Variants in CHD9 observed in about 807,000 individuals in gnomAD.
The protein encoded by CHD9 is chromodomain helicase DNA binding protein 9, also known as ATP-dependent chromatin remodeler CHD9.
CHD9 carries 77 observed loss-of-function variants against 316.1 expected under a neutral mutation model. That is an observed-to-expected ratio of 0.24 (90% CI 0.20 to 0.29). The LOEUF (loss-of-function observed/expected upper bound fraction) is 0.29, where lower values mean the gene tolerates loss of function less well. Among genes scored for constraint, CHD9 ranks in the 10% least tolerant of loss-of-function variants. The pLI is 1.00. For missense variants in CHD9, 2,763 were observed against 3,438.1 expected (o/e 0.80, Z 4.91); for synonymous variants, 1,129 against 1,158.3 (o/e 0.97, Z 0.51).
At chr16:53,109,150 G>A (rs566806307) in intron 1 of CHD9, among the ~76,000 whole-genome samples, 2 of 152,248 alleles carry the variant, frequency 1.3e-5, no homozygotes, top group Middle Eastern at 3.4e-3. Flanking sequence ...CTGTCCTGGG[G>A]ATAATCCTGG....
chr16:53,243,978 T>A (rs2049330043), intron 13 of CHD9, among the ~76,000 whole-genome samples: 1 of 152,152 alleles, frequency 6.6e-6, no homozygotes, highest in Admixed American at 6.5e-5. Context: ...CTCATTCCAG[T>A]ATGGTTTCCT....
In CHD9 at chr16:53,113,736, T is replaced by TA. The variant is rs536821028; in HGVS notation, c.-164-42181dup. On this transcript the variant is annotated intron_variant, in intron 1 of 38. Coordinates refer to ENST00000447540, the MANE Select transcript of CHD9 (RefSeq NM_001308319.2). ...GAGACAGGGTCTTATTCTGTCATTC[T>TA]AAAAAAAAATCTGGAGTGTAGCGGC... Among the ~76,000 whole-genome samples the TA allele has an allele frequency of 6.6e-4, 100 of 151,580 alleles. 2 individuals carry two copies. The South Asian group carries it at 0.019, about 28-fold the overall frequency.
intron 1 of CHD9, among the ~76,000 whole-genome samples, chr16:53,124,467 A>ATTTTTTTTTTTTTTTT (rs753476091): frequency 1.0e-5 from 1 of 96,924 alleles, no homozygotes; most frequent in African/African-American, 3.8e-5. Flanking sequence ...GTGAGACTTA[A>ATTTTTTTTTTTTTTTT]TTTTTTTTTT....
chr16:53,288,065 T>A (rs2054032866), intron 27 of CHD9, 51 bp downstream of exon 27: 1 of 1,347,990 alleles, frequency 7.4e-7, no homozygotes, highest in Admixed American at 1.7e-5. Flanking sequence ...ATTCTTTGGT[T>A]TCTTGTGTTT....
chr16:53,109,127 A>G (rs1356317389), intron 1 of CHD9, among the ~76,000 whole-genome samples: 1 of 152,174 alleles, frequency 6.6e-6, no homozygotes, highest in Non-Finnish European at 1.5e-5. Context: ...CTCTCATGCC[A>G]TGCCCGGTTG....
chr16:53,202,263 C>T (rs560729483), intron 2 of CHD9, among the ~76,000 whole-genome samples: 19 of 152,272 alleles, frequency 1.2e-4, no homozygotes, highest in Admixed American at 1.2e-3. Context: ...GTTTCTATTT[C>T]TCCAGTTGCT....
chr16:53,100,039 C>G (rs763138044), intron 1 of CHD9, among the ~76,000 whole-genome samples: 7 of 152,222 alleles, frequency 4.6e-5, no homozygotes, highest in Non-Finnish European at 1.0e-4. Context: ...AGCTCCCTGC[C>G]AGGCCCTGAC....
At chr16:53,263,226 T>C (rs2051315378) in intron 20 of CHD9, 129 bp downstream of exon 20, 1 of 606,602 alleles carries the variant, frequency 1.6e-6, no homozygotes, top group Non-Finnish European at 2.8e-6. Flanking sequence ...TGAAGTAGGG[T>C]AGCAGAATGA....
intron 30 of CHD9, among the ~76,000 whole-genome samples, chr16:53,301,917 A>G (rs1248003784): frequency 6.6e-6 from 1 of 151,594 alleles, no homozygotes; most frequent in Non-Finnish European, 1.5e-5. Flanking sequence ...GGTGGCTGCC[A>G]CCACACCCGG....
intron 1 of CHD9, among the ~76,000 whole-genome samples, chr16:53,059,780 C>A (rs1414321230): frequency 6.6e-6 from 1 of 152,226 alleles, no homozygotes; most frequent in South Asian, 2.1e-4. Context: ...TCAGTTGCAA[C>A]TGCAGTAAAT....
chr16:53,059,116 C>A (rs1353042184), intron 1 of CHD9, among the ~76,000 whole-genome samples: 1 of 152,200 alleles, frequency 6.6e-6, no homozygotes, highest in Non-Finnish European at 1.5e-5. Context: ...ACTGAGATTA[C>A]AAGCATGATC....
chr16:53,108,636 A>T (rs1207387456), intron 1 of CHD9, among the ~76,000 whole-genome samples: 4 of 152,114 alleles, frequency 2.6e-5, no homozygotes. Flanking sequence ...GCTCTTTGGG[A>T]GACCAAGGCG....
intron 20 of CHD9, 94 bp downstream of exon 20, chr16:53,263,191 A>G: frequency 1.2e-6 from 1 of 856,838 alleles, no homozygotes; most frequent in Non-Finnish European, 1.8e-6. Flanking sequence ...TGCAGTTACT[A>G]AAACAAATTT....
At position 53,254,506 on chromosome 16, in the gene CHD9, C is replaced by T. The variant is rs1380370839; in HGVS notation, c.3930C>T (p.Asn1310=). 7 of 1,613,206 alleles carry T rather than the reference C, an allele frequency of 4.3e-6. No individual in the cohort carries two copies. The highest frequency in any genetic ancestry group is 2.2e-5 in the East Asian group (1 of 44,866). Residue 1310 remains asparagine, a synonymous_variant, in exon 18 of 39, where the codon AAC becomes AAT. Coordinates refer to ENST00000447540, the MANE Select transcript of CHD9 (RefSeq NM_001308319.2). ...AAGTCTACAGACTGGTAACTCGTAA[C>T]TCATATGAGAGAGAGATGTTTGACC... ...AVKVYRLVTR[N]SYEREMFDRA... is the part of the protein sequence containing the mutation.
chr16:53,209,674 A>G lies in CHD9; in HGVS notation c.1645A>G (p.Met549Val). 1.2e-6 allele frequency: 2 copies of G among 1,613,980 alleles called. No homozygotes were observed. The highest frequency in any genetic ancestry group is 2.2e-5 in the South Asian group (2 of 91,088). Residue 549 changes from methionine (M) to valine (V), a missense_variant, in exon 3 of 39, where the codon ATG becomes GTG. This residue lies in a region of CHD9 where 859 missense variants were observed against 890.4 expected (regional missense o/e 0.96). Coordinates refer to ENST00000447540, the MANE Select transcript of CHD9 (RefSeq NM_001308319.2). ...ERGERNIPRVMSPENFPTASV... is the reference protein window; with the variant it reads ...ERGERNIPRVVSPENFPTASV... ...TGGGGAACGCAATATTCCACGAGTA[A>G]TGAGCCCTGAAAACTTTCCTACTGC...
intron 29 of CHD9, among the ~76,000 whole-genome samples, chr16:53,293,639 G>A (rs1386084159): frequency 1.3e-5 from 2 of 150,414 alleles, no homozygotes; most frequent in African/African-American, 4.9e-5. Context: ...AAAAGTGAAG[G>A]CATAGAGCAA....
At chr16:53,273,053 C>T (rs2052429456) in intron 22 of CHD9, among the ~76,000 whole-genome samples, 1 of 151,732 alleles carries the variant, frequency 6.6e-6, no homozygotes, top group African/African-American at 2.4e-5. Flanking sequence ...CACGCCACTG[C>T]ACTCCAGCCT....
chr16:53,075,616 T>TG, intron 1 of CHD9, among the ~76,000 whole-genome samples: 1 of 151,934 alleles, frequency 6.6e-6, no homozygotes, highest in Admixed American at 6.6e-5. Context: ...ATTCCGGGGG[T>TG]GGGGGGTTCT....
chr16:53,145,120 G>A (rs2040463510), intron 1 of CHD9, among the ~76,000 whole-genome samples: 1 of 151,636 alleles, frequency 6.6e-6, no homozygotes. Flanking sequence ...TTTCTAAGCA[G>A]CCTGGGCACA....
Sources: allele counts gnomAD v4.1 joint callset (sites outside exome capture counted in the v4.1 genomes callset), GRCh38; gene constraint gnomAD v4.1.1; regional missense constraint gnomAD v4.1.1; transcripts MANE v1.5; gene names NCBI Gene and HGNC (gene_info 2026-07-23, HGNC 2026-07-21).